The following MCPH1 variants were observed in gnomAD, a reference collection of about 807,000 sequenced individuals.
MCPH1 encodes microcephalin.
Under a neutral mutation model 84.5 loss-of-function variants are expected in MCPH1, and 104 were observed. The ratio of observed to expected loss-of-function variants is 1.23; its 90% confidence interval spans 1.05 to 1.45. The LOEUF (loss-of-function observed/expected upper bound fraction) is 1.45. MCPH1 is among the 40% of genes most tolerant of loss of function. The probability of loss-of-function intolerance (pLI) is 0.00; values close to 1 mark genes in which losing one functional copy is unlikely to be tolerated. For synonymous variants in MCPH1, 514 were observed against 366.8 expected (o/e 1.40, Z -4.58); for missense variants, 1,498 against 1,005.7 (o/e 1.49, Z -6.62).
At chr8:6,430,690 G>A (rs906661252) in intron 3 of MCPH1, among the ~76,000 whole-genome samples, 1 of 152,190 alleles carries the variant, frequency 6.6e-6, no homozygotes, top group African/African-American at 2.4e-5. Context: ...GGGATAGTTG[G>A]AGAGGTGAGT....
intron 12 of MCPH1, among the ~76,000 whole-genome samples, chr8:6,547,620 G>C (rs1302446219): frequency 6.6e-6 from 1 of 152,038 alleles, no homozygotes; most frequent in Non-Finnish European, 1.5e-5. Flanking sequence ...ATCAGTAGAG[G>C]GGCACATGTT....
chr8:6,544,126 T>A (rs1822108517), intron 12 of MCPH1, among the ~76,000 whole-genome samples: 1 of 152,236 alleles, frequency 6.6e-6, no homozygotes, highest in Non-Finnish European at 1.5e-5. Flanking sequence ...CAAACATAAC[T>A]TTTATCTTCA....
intron 12 of MCPH1, among the ~76,000 whole-genome samples, chr8:6,566,571 C>G (rs918988737): frequency 1.3e-5 from 2 of 152,154 alleles, no homozygotes; most frequent in African/African-American, 4.8e-5. Flanking sequence ...GCACGGTGAC[C>G]ATGTGTGATC....
Position 6,442,053 on chromosome 8 carries a change from G to C in MCPH1, c.581-14G>C, listed in dbSNP as rs1027135986. 1 of 1,587,096 alleles carries C rather than the reference G, an allele frequency of 6.3e-7. No homozygotes were observed. The highest frequency in any genetic ancestry group is 1.1e-5 in the South Asian group (1 of 90,532). On this transcript the variant is annotated splice_polypyrimidine_tract_variant and intron_variant, in intron 6 of 13. Coordinates refer to ENST00000344683, the MANE Select transcript of MCPH1 (RefSeq NM_024596.5). ...GAAACTTTATCTAATGCAGTGTCTT[G>C]GTCCTGTTTTTAGCTTCCCAAATGA...
intron 10 of MCPH1, among the ~76,000 whole-genome samples, chr8:6,478,426 A>G (rs1223330058): frequency 1.3e-5 from 2 of 152,250 alleles, no homozygotes; most frequent in Non-Finnish European, 2.9e-5. Flanking sequence ...TATTGAATAT[A>G]TGTGTAATAT....
At chr8:6,539,178 C>T (rs906773283) in intron 12 of MCPH1, among the ~76,000 whole-genome samples, 60 of 152,290 alleles carry the variant, frequency 3.9e-4, no homozygotes, top group African/African-American at 1.1e-3. Flanking sequence ...CTAAACCCCT[C>T]GCCAGAGCCT....
chr8:6,624,805 G>T (rs1418871627), intron 13 of MCPH1: 1 of 984,982 alleles, frequency 1.0e-6, no homozygotes, highest in African/African-American at 1.7e-5. Flanking sequence ...ACAGTCCAGG[G>T]CATTGCGTTT....
intron 3 of MCPH1, among the ~76,000 whole-genome samples, chr8:6,415,472 G>C (rs1454396742): frequency 3.3e-5 from 5 of 151,874 alleles, no homozygotes; most frequent in Non-Finnish European, 5.9e-5. Context: ...TCCTGCTTCT[G>C]CCTCCCGAGT....
chr8:6,556,779 G>A (rs1824688948), intron 12 of MCPH1, among the ~76,000 whole-genome samples: 1 of 151,916 alleles, frequency 6.6e-6, no homozygotes, highest in Non-Finnish European at 1.5e-5. Flanking sequence ...GTAGAGATGG[G>A]GGTCTCACTC....
intron 12 of MCPH1, among the ~76,000 whole-genome samples, chr8:6,510,784 G>A (rs949898660): frequency 6.6e-6 from 1 of 152,208 alleles, no homozygotes; most frequent in Non-Finnish European, 1.5e-5. Context: ...GCCATGTGAT[G>A]TGGAGTTCTG....
intron 8 of MCPH1, among the ~76,000 whole-genome samples, chr8:6,451,966 G>C (rs1003488453): frequency 4.6e-5 from 7 of 152,152 alleles, no homozygotes; most frequent in Non-Finnish European, 8.8e-5. Flanking sequence ...TCTTAATTCT[G>C]TATCTTGGAA....
chr8:6,466,829 G>A (rs1440087903), intron 9 of MCPH1, among the ~76,000 whole-genome samples: 1 of 152,150 alleles, frequency 6.6e-6, no homozygotes, highest in East Asian at 1.9e-4. Context: ...GCCCACCTTG[G>A]CCTTCCAAAG....
intron 4 of MCPH1, among the ~76,000 whole-genome samples, chr8:6,435,792 G>C (rs1802558623): frequency 6.6e-6 from 1 of 152,142 alleles, no homozygotes; most frequent in Non-Finnish European, 1.5e-5. Context: ...TGGAAACTAA[G>C]AATGCTAGGA....
intron 9 of MCPH1, chr8:6,473,858 T>C (rs1808085899): frequency 2.0e-6 from 3 of 1,477,572 alleles, no homozygotes; most frequent in South Asian, 2.9e-5. Context: ...GTTATAATCT[T>C]TGATCCACTG....
In MCPH1 at chr8:6,514,154, A is replaced by C. The variant is rs534362117; in HGVS notation, c.2214+14225A>C. On this transcript the variant is annotated intron_variant, in intron 12 of 13. Coordinates refer to ENST00000344683, the MANE Select transcript of MCPH1 (RefSeq NM_024596.5). ...AGCACCATTAAACAGTCGGCTTACCAAAAAAATGCTGAGTCCACCTTTAAA... is the reference window on the plus strand; with the variant it reads ...AGCACCATTAAACAGTCGGCTTACCCAAAAAATGCTGAGTCCACCTTTAAA... 4.6e-5 allele frequency among the ~76,000 whole-genome samples: 7 copies of C among 152,262 alleles called. No homozygotes were observed. In the Middle Eastern group the frequency reaches 0.01, roughly 222 times the overall value.
At chr8:6,592,644 G>A (rs1226267183) in intron 12 of MCPH1, among the ~76,000 whole-genome samples, 1 of 46,058 alleles carries the variant, frequency 2.2e-5, no homozygotes, top group Non-Finnish European at 4.2e-5. Flanking sequence ...TTTTTTTTTT[G>A]TTGCTGTTGT....
At chr8:6,541,075 C>G (rs913259927) in intron 12 of MCPH1, among the ~76,000 whole-genome samples, 2 of 152,334 alleles carry the variant, frequency 1.3e-5, no homozygotes, top group South Asian at 4.1e-4. Flanking sequence ...TTGGAGCCAA[C>G]GTCCCTAGGC....
At position 6,445,309 on chromosome 8, in the gene MCPH1, T is replaced by A. The variant is rs745542150; in HGVS notation, c.1587T>A (p.Ile529=). The A allele has an allele frequency of 1.9e-6, 3 of 1,614,206 alleles. No homozygotes were observed. Among genetic ancestry groups the A allele is most frequent in the South Asian group, 2.2e-5 (2 of 91,086 alleles). The change falls in exon 8 of 14, where the codon ATT becomes ATA. Residue 529 remains isoleucine, a synonymous_variant. Coordinates refer to ENST00000344683, the MANE Select transcript of MCPH1 (RefSeq NM_024596.5). ...AGGGAAATGGCTTTTCTTACACCAT[T>A]GAGGACCCTGCTCTTCCAAAAGGAC... ...CPEGNGFSYT[I]EDPALPKGHD... is the part of the protein sequence containing the mutation.
intron 12 of MCPH1, among the ~76,000 whole-genome samples, chr8:6,580,243 G>A (rs1255272420): frequency 1.3e-5 from 2 of 152,176 alleles, no homozygotes; most frequent in African/African-American, 2.4e-5. Flanking sequence ...CTGTACTCAC[G>A]AAGCCTCCAC....
Sources: allele counts gnomAD v4.1 joint callset (sites outside exome capture counted in the v4.1 genomes callset), GRCh38; gene constraint gnomAD v4.1.1; transcripts MANE v1.5; gene names NCBI Gene and HGNC (gene_info 2026-07-23, HGNC 2026-07-21).